The following SSBP3 variants were observed in gnomAD, a reference collection of about 807,000 sequenced individuals.
SSBP3 encodes the protein single-stranded DNA-binding protein 3.
In SSBP3, 5 loss-of-function variants were observed where a neutral mutation model predicts 69.6. The observed-to-expected ratio is 0.07, with a 90% CI of 0.04 to 0.15. The LOEUF (loss-of-function observed/expected upper bound fraction) is 0.15, where lower values mean the gene tolerates loss of function less well. Among genes scored for constraint, SSBP3 ranks in the 10% least tolerant of loss-of-function variants. SSBP3 has a pLI of 1.00. For synonymous variants in SSBP3, 196 were observed against 193.4 expected, an observed-to-expected ratio of 1.01 and a Z score of -0.11; for missense variants, 312 against 534.0, an observed-to-expected ratio of 0.58 and a Z score of 4.10.
chr1:54,406,961 C>T (rs1649826458), upstream of SSBP3, among the ~76,000 whole-genome samples: 1 of 152,084 alleles, frequency 6.6e-6, no homozygotes, highest in Non-Finnish European at 1.5e-5. Context: ...GCCCCCAGCC[C>T]GCCCCGCCCC....
chr1:54,319,534 C>T (rs1162063023), intron 4 of SSBP3, among the ~76,000 whole-genome samples: 2 of 152,140 alleles, frequency 1.3e-5, no homozygotes, highest in East Asian at 3.9e-4. Flanking sequence ...CAGGACTCAG[C>T]CTTACCCACT....
At chr1:54,238,879 A>C in intron 14 of SSBP3, 1 of 412,342 alleles carries the variant, frequency 2.4e-6, no homozygotes, top group South Asian at 2.1e-5. Flanking sequence ...GGCAAGTCCC[A>C]GCAGCACAGC....
At position 54,316,402 on chromosome 1, in the gene SSBP3, G is replaced by A. The variant is rs1452039082; in HGVS notation, c.277-34875C>T. Among the ~76,000 whole-genome samples the A allele has an allele frequency of 8.7e-5, 13 of 149,768 alleles. No homozygotes were observed. In the East Asian group the frequency reaches 2.4e-3, roughly 28 times the overall value. On this transcript the variant is annotated intron_variant, in intron 4 of 17. Transcript: ENST00000610401. ...CGCCTGTAATCCCAGCACTTTGGGA[G>A]GCCGAGGCGGGTGGATCATGAGGTC...
At chr1:54,381,914 C>T (rs1322331896) in intron 4 of SSBP3, among the ~76,000 whole-genome samples, 1 of 152,232 alleles carries the variant, frequency 6.6e-6, no homozygotes, top group African/African-American at 2.4e-5. Context: ...TGCAGTTAGG[C>T]TGGGCATGGT....
chr1:54,249,043 G>A (rs1304458311), intron 9 of SSBP3, among the ~76,000 whole-genome samples: 3 of 152,090 alleles, frequency 2.0e-5, no homozygotes, highest in Admixed American at 2.0e-4. Flanking sequence ...GAGTCTCACT[G>A]CAGGGCCTCA....
At chr1:54,337,025 GCT>G (rs1646519254) in intron 4 of SSBP3, among the ~76,000 whole-genome samples, 2 of 152,368 alleles carry the variant, frequency 1.3e-5, no homozygotes, top group South Asian at 4.1e-4. Flanking sequence ...TATCTTGACA[GCT>G]CTCAACGTCA....
chr1:54,373,490 G>A (rs981832791), intron 4 of SSBP3, among the ~76,000 whole-genome samples: 1 of 152,152 alleles, frequency 6.6e-6, no homozygotes, highest in South Asian at 2.1e-4. Context: ...CAGGCTGGGC[G>A]CAGTGGCTCA....
intron 4 of SSBP3, among the ~76,000 whole-genome samples, chr1:54,340,422 C>T (rs1646587039): frequency 6.6e-6 from 1 of 152,160 alleles, no homozygotes. Context: ...GAGATGTGAG[C>T]AGCTTCAAGC....
chr1:54,378,226 T>TA (rs1313856417), intron 4 of SSBP3, among the ~76,000 whole-genome samples: 3 of 152,228 alleles, frequency 2.0e-5, no homozygotes, highest in African/African-American at 7.2e-5. Flanking sequence ...CTTTCATGGA[T>TA]AGATTTTCCC....
At chr1:54,345,183 G>A (rs988884545) in intron 4 of SSBP3, among the ~76,000 whole-genome samples, 2 of 152,114 alleles carry the variant, frequency 1.3e-5, no homozygotes, top group Admixed American at 6.6e-5. Flanking sequence ...ACTTCTGCAA[G>A]GGAAGAAAAA....
At chr1:54,298,571 A>G (rs1463186687) in intron 4 of SSBP3, among the ~76,000 whole-genome samples, 1 of 152,008 alleles carries the variant, frequency 6.6e-6, no homozygotes, top group African/African-American at 2.4e-5. Flanking sequence ...ACTCACAATT[A>G]CCTCTCCAAC....
chr1:54,272,625 C>T (rs544440004), intron 5 of SSBP3, among the ~76,000 whole-genome samples: 131 of 152,320 alleles, frequency 8.6e-4, no homozygotes, highest in African/African-American at 2.8e-3. Flanking sequence ...GGGGTCTCCA[C>T]TCCCATCCCC....
At chr1:54,354,109 T>C (rs909912472) in intron 4 of SSBP3, among the ~76,000 whole-genome samples, 2 of 152,184 alleles carry the variant, frequency 1.3e-5, no homozygotes, top group African/African-American at 4.8e-5. Context: ...CCCATTTCAC[T>C]ATCTGCAACC....
intron 6 of SSBP3, 105 bp from the exon 7 acceptor site, chr1:54,257,291 CT>C: frequency 1.0e-6 from 1 of 979,548 alleles, no homozygotes; most frequent in East Asian, 3.1e-5. Context: ...AACTAGTGAT[CT>C]TTTAAGTTCT....
At chr1:54,407,749 A>ATTTTTT (rs532968816), upstream of SSBP3, among the ~76,000 whole-genome samples, 39 of 97,526 alleles carry the variant, frequency 4.0e-4, 1 homozygote, top group African/African-American at 1.5e-3. Context: ...GCCTAGGTTG[A>ATTTTTT]TTTTTTTTTT....
intron 4 of SSBP3, among the ~76,000 whole-genome samples, chr1:54,315,590 T>C (rs1303386749): frequency 1.3e-5 from 2 of 151,548 alleles, no homozygotes; most frequent in Non-Finnish European, 2.9e-5. Context: ...AAGACAACTT[T>C]TTTTTAATTT....
intron 4 of SSBP3, among the ~76,000 whole-genome samples, chr1:54,323,645 C>T (rs1037365839): frequency 1.3e-5 from 2 of 152,158 alleles, no homozygotes; most frequent in African/African-American, 4.8e-5. Flanking sequence ...GATGCGGGTG[C>T]TTGGGGGCAA....
intron 4 of SSBP3, among the ~76,000 whole-genome samples, chr1:54,392,759 G>C (rs1456698236): frequency 4.6e-5 from 7 of 152,210 alleles, no homozygotes; most frequent in Admixed American, 4.6e-4. Context: ...CCCAGGAATG[G>C]GGTGGCAGAA....
intron 4 of SSBP3, among the ~76,000 whole-genome samples, chr1:54,314,239 G>A (rs745852233): frequency 1.3e-5 from 2 of 152,206 alleles, no homozygotes; most frequent in African/African-American, 4.8e-5. Context: ...TCTGGCAGGG[G>A]TAGGGGAGGA....
Sources: allele counts gnomAD v4.1 joint callset (sites outside exome capture counted in the v4.1 genomes callset), GRCh38; gene constraint gnomAD v4.1.1; transcripts MANE v1.5; gene names NCBI Gene and HGNC (gene_info 2026-07-23, HGNC 2026-07-21).